Variants in ZEB1 observed in about 807,000 individuals in gnomAD.
The protein encoded by ZEB1 is zinc finger E-box binding homeobox 1, also known as zinc finger E-box-binding homeobox 1.
Under a neutral mutation model 84.9 loss-of-function variants are expected in ZEB1, and 21 were observed. The observed-to-expected ratio is 0.25, with a 90% CI of 0.18 to 0.36. The LOEUF is 0.36. Ranked by LOEUF, ZEB1 falls within the 10% of genes least tolerant of loss-of-function variation. ZEB1 has a pLI of 1.00. For missense variants in ZEB1, 1,104 were observed against 1,330.2 expected, an observed-to-expected ratio of 0.83 and a Z score of 2.65; for synonymous variants, 420 against 471.1, an observed-to-expected ratio of 0.89 and a Z score of 1.41.
In ZEB1 at chr10:31,527,082, G is replaced by A; in HGVS notation, c.3196G>A (p.Glu1066Lys). 1 of 1,530,470 alleles carries A rather than the reference G, an allele frequency of 6.5e-7. No individual in the cohort carries two copies. Among genetic ancestry groups the A allele is most frequent in the Non-Finnish European group, 9.0e-7 (1 of 1,114,348 alleles). 94.8% of individuals were successfully genotyped at this position (1,530,470 alleles called of 1,614,324 possible). ...TGAAAAACCACAAGGGGATGAGGAA[G>A]AGGAGGAGGAGGAGGAAGAAGTGGA... is the stretch of plus-strand genomic sequence containing the variant. ...ECEKPQGDEE[E>K]EEEEEEVEEE... Residue 1066 changes from glutamate (E) to lysine (K), a missense_variant, in exon 9 of 9, where the codon GAG (glutamate) becomes AAG (lysine). Around this residue, in one of 7 missense-constraint regions of ZEB1, gnomAD observed 173 missense variants for 167.0 expected, o/e 1.04. Coordinates refer to ENST00000424869, the MANE Select transcript of ZEB1 (RefSeq NM_001174096.2).
intron 1 of ZEB1, among the ~76,000 whole-genome samples, chr10:31,323,365 ATAC>A (rs79108451): frequency 0.2 from 29,993 of 151,886 alleles, 5,851 homozygotes; most frequent in African/African-American, 0.51. Flanking sequence ...TTGATTGATA[ATAC>A]TGTGTAATTA....
intron 1 of ZEB1, among the ~76,000 whole-genome samples, chr10:31,406,368 T>C (rs1359654372): frequency 6.6e-6 from 1 of 152,198 alleles, no homozygotes; most frequent in East Asian, 1.9e-4. Context: ...GTTTCCTGAC[T>C]TTTTAATGAT....
chr10:31,446,358 A>C (rs1028039514), intron 1 of ZEB1, among the ~76,000 whole-genome samples: 7 of 152,176 alleles, frequency 4.6e-5, no homozygotes, highest in African/African-American at 1.7e-4. Flanking sequence ...CCTTTCAAAA[A>C]ACCAGCTCCT....
intron 1 of ZEB1, among the ~76,000 whole-genome samples, chr10:31,359,346 T>C (rs7896689): frequency 6.6e-6 from 1 of 152,078 alleles, no homozygotes; most frequent in African/African-American, 2.4e-5. Context: ...AGAACTCTTA[T>C]GTGTTATGAT....
intron 2 of ZEB1, among the ~76,000 whole-genome samples, chr10:31,466,970 A>T (rs1304478747): frequency 6.6e-6 from 1 of 152,198 alleles, no homozygotes; most frequent in Non-Finnish European, 1.5e-5. Flanking sequence ...TACAGAGAGG[A>T]ACCAAAATAT....
chr10:31,378,849 G>T (rs1283619886), intron 1 of ZEB1, among the ~76,000 whole-genome samples: 1 of 152,008 alleles, frequency 6.6e-6, no homozygotes, highest in African/African-American at 2.4e-5. Flanking sequence ...AACAGTGGTG[G>T]ATGTGCAGGT....
At position 31,514,651 on chromosome 10, in the gene ZEB1, T is replaced by C; in HGVS notation, c.736T>C (p.Cys246Arg). The C allele has an allele frequency of 6.2e-7, 1 of 1,612,836 alleles. No homozygotes were observed. Among genetic ancestry groups the C allele is most frequent in the East Asian group, 2.2e-5 (1 of 44,776 alleles). The change falls in exon 6 of 9, where the codon TGT becomes CGT. Residue 246 changes from cysteine to arginine, a missense_variant. By Grantham distance (180) the Cys-to-Arg change is radical. Transcript: ENST00000424869. ...GCNRKFKCTECGKAFKYKHHL... is the reference protein window; with the variant it reads ...GCNRKFKCTERGKAFKYKHHL... Reference sequence around the variant, plus strand: ...TAATCGTAAATTCAAATGCACTGAGTGTGGAAAAGCTTTCAAATACAAACA... The same window carrying C: ...TAATCGTAAATTCAAATGCACTGAGCGTGGAAAAGCTTTCAAATACAAACA...
intron 2 of ZEB1, among the ~76,000 whole-genome samples, chr10:31,482,714 G>A (rs2065204015): frequency 6.6e-6 from 1 of 151,868 alleles, no homozygotes; most frequent in Non-Finnish European, 1.5e-5. Flanking sequence ...TCAAAATGAA[G>A]CAAAATCCTT....
At chr10:31,447,272 T>G (rs1302514483) in intron 1 of ZEB1, among the ~76,000 whole-genome samples, 3 of 150,140 alleles carry the variant, frequency 2.0e-5, no homozygotes, top group Non-Finnish European at 4.4e-5. Context: ...GCTTGGTAGA[T>G]CTTCCTCCAT....
intron 1 of ZEB1, among the ~76,000 whole-genome samples, chr10:31,330,048 G>A (rs1366074141): frequency 2.0e-5 from 3 of 152,002 alleles, no homozygotes; most frequent in East Asian, 1.9e-4. Context: ...AAATTTTGAT[G>A]GAGTTTAATT....
At chr10:31,416,450 A>G (rs945422529) in intron 1 of ZEB1, among the ~76,000 whole-genome samples, 3 of 152,218 alleles carry the variant, frequency 2.0e-5, no homozygotes, top group African/African-American at 7.2e-5. Context: ...ACAATTACCT[A>G]CATAATGGTC....
intron 1 of ZEB1, chr10:31,321,585 T>A: frequency 6.2e-7 from 1 of 1,613,894 alleles, no homozygotes; most frequent in Non-Finnish European, 8.5e-7. Context: ...AAAATGTTGA[T>A]CGCCAGAGAA....
intron 1 of ZEB1, among the ~76,000 whole-genome samples, chr10:31,342,754 G>A (rs2039626664): frequency 6.6e-6 from 1 of 152,018 alleles, no homozygotes; most frequent in South Asian, 2.1e-4. Flanking sequence ...GAAAAGACAG[G>A]AATAAATTGG....
intron 5 of ZEB1, among the ~76,000 whole-genome samples, chr10:31,511,443 C>T (rs905972896): frequency 6.6e-6 from 1 of 151,946 alleles, no homozygotes; most frequent in Non-Finnish European, 1.5e-5. Flanking sequence ...TGTCACTGTG[C>T]CCCAGTTTTC....
At chr10:31,501,560 A>T (rs758450667) in intron 3 of ZEB1, among the ~76,000 whole-genome samples, 5 of 152,194 alleles carry the variant, frequency 3.3e-5, no homozygotes, top group Admixed American at 1.3e-4. Context: ...CTAAGAAATC[A>T]TATAACTGAA....
chr10:31,352,848 C>A, intron 1 of ZEB1, among the ~76,000 whole-genome samples: 1 of 152,128 alleles, frequency 6.6e-6, no homozygotes, highest in East Asian at 1.9e-4. Context: ...ACAAGGCCAG[C>A]CCAGATCAAC....
chr10:31,490,303 G>A (rs2066354335), intron 2 of ZEB1, among the ~76,000 whole-genome samples: 1 of 151,158 alleles, frequency 6.6e-6, no homozygotes, highest in Admixed American at 6.6e-5. Flanking sequence ...TTTCCTTCTG[G>A]GACTCCAGTG....
At chr10:31,484,022 C>A (rs1341997941) in intron 2 of ZEB1, among the ~76,000 whole-genome samples, 1 of 151,976 alleles carries the variant, frequency 6.6e-6, no homozygotes, top group Admixed American at 6.6e-5. Flanking sequence ...TTCCCAGCTT[C>A]TAGAGGGTAC....
At chr10:31,338,841 A>G (rs994544725) in intron 1 of ZEB1, among the ~76,000 whole-genome samples, 1 of 152,186 alleles carries the variant, frequency 6.6e-6, no homozygotes, top group Non-Finnish European at 1.5e-5. Flanking sequence ...ATTTAAAATA[A>G]GAGTTTAACA....
Sources: allele counts gnomAD v4.1 joint callset (sites outside exome capture counted in the v4.1 genomes callset), GRCh38; gene constraint gnomAD v4.1.1; regional missense constraint gnomAD v4.1.1; transcripts MANE v1.5; gene names NCBI Gene and HGNC (gene_info 2026-07-23, HGNC 2026-07-21).